ESCO1: variants seen among roughly 807,000 people sequenced by gnomAD.
ESCO1 encodes establishment of sister chromatid cohesion N-acetyltransferase 1, also known as N-acetyltransferase ESCO1.
ESCO1 carries 33 observed loss-of-function variants against 83.5 expected under a neutral mutation model. That is an observed-to-expected ratio of 0.40 (90% CI 0.30 to 0.53). The LOEUF (loss-of-function observed/expected upper bound fraction) is 0.53, where lower values mean the gene tolerates loss of function less well. Among genes scored for constraint, ESCO1 ranks in the 20% least tolerant of loss-of-function variants. ESCO1 has a pLI of 0.63. For missense variants in ESCO1, 855 were observed against 968.0 expected, an observed-to-expected ratio of 0.88 and a Z score of 1.55; for synonymous variants, 332 against 324.3, an observed-to-expected ratio of 1.02 and a Z score of -0.25.
intron 1 of ESCO1, among the ~76,000 whole-genome samples, chr18:21,585,534 TATG>T (rs2038563184): frequency 6.6e-6 from 1 of 152,236 alleles, no homozygotes; most frequent in Non-Finnish European, 1.5e-5. Flanking sequence ...CATTGGTCTT[TATG>T]ATCTTATACC....
Position 21,560,969 on chromosome 18 carries a change from C to T in ESCO1, c.1843G>A (p.Gly615Arg). The T allele has an allele frequency of 6.3e-7, 1 of 1,593,042 alleles. No homozygotes were observed. Among genetic ancestry groups the T allele is most frequent in the South Asian group, 1.2e-5 (1 of 85,010 alleles). Residue 615 changes from glycine (G) to arginine (R), a missense_variant, in exon 8 of 12, where the codon GGA becomes AGA. Physicochemically the swap from Gly to Arg is moderately radical, Grantham distance 125. Around this residue, in one of 2 missense-constraint regions of ESCO1, gnomAD observed 726 missense variants for 699.5 expected, o/e 1.04. Coordinates refer to ENST00000269214, the MANE Select transcript of ESCO1 (RefSeq NM_052911.3). ...CCACAAACATTACAAGAAACTGCTC[C>T]AAATCTTTTTTGTCCTGCATCCTAT... Reference protein sequence around the residue: ...LIIDAGQKRFGAVSCNVCGML... With the variant: ...LIIDAGQKRFRAVSCNVCGML...
Position 21,529,912 on chromosome 18 carries a change from C to CT in ESCO1, c.*430dup, listed in dbSNP as rs2037745067. The CT allele has an allele frequency of 6.5e-6, 1 of 153,264 alleles. No homozygotes were observed. Among genetic ancestry groups the CT allele is most frequent in the South Asian group, 2.1e-4 (1 of 4,838 alleles). The allele number at this position is 153,264 out of a possible 1,614,324, so 9.5% of individuals were successfully genotyped here. A position where few individuals can be genotyped will look rare whatever the true frequency, so the allele number is the denominator to read the frequency against. On this transcript the variant is annotated 3_prime_UTR_variant, in exon 12 of 12. Coordinates refer to ENST00000269214, the MANE Select transcript of ESCO1 (RefSeq NM_052911.3). ...ATAACTAAAAAAATTGGTTTCCACTCTGTGAAAATACAATCTTTAAGCCTA... is the reference window on the plus strand; with the variant it reads ...ATAACTAAAAAAATTGGTTTCCACTCTTGTGAAAATACAATCTTTAAGCCTA...
At chr18:21,556,731 C>T (rs997947335) in intron 8 of ESCO1, among the ~76,000 whole-genome samples, 8 of 151,980 alleles carry the variant, frequency 5.3e-5, no homozygotes, top group African/African-American at 1.7e-4. Flanking sequence ...GATGGAGTCT[C>T]GCTATGCTGC....
At chr18:21,565,669 G>A (rs2038249985) in intron 6 of ESCO1, among the ~76,000 whole-genome samples, 1 of 152,202 alleles carries the variant, frequency 6.6e-6, no homozygotes, top group Non-Finnish European at 1.5e-5. Flanking sequence ...AGATACTGTG[G>A]CTCACACCTA....
chr18:21,587,369 C>T (rs1448128905), intron 1 of ESCO1, among the ~76,000 whole-genome samples: 1 of 152,136 alleles, frequency 6.6e-6, no homozygotes, highest in Non-Finnish European at 1.5e-5. Flanking sequence ...TAGATTGCAT[C>T]AGTGAAGCCA....
intron 8 of ESCO1, among the ~76,000 whole-genome samples, chr18:21,553,633 G>A (rs530476746): frequency 5.9e-5 from 9 of 151,842 alleles, no homozygotes; most frequent in Admixed American, 1.3e-4. Flanking sequence ...TGAGGCGGGC[G>A]GATCACCTGA....
At chr18:21,538,385 A>T (rs149925620) in intron 9 of ESCO1, among the ~76,000 whole-genome samples, 3 of 152,260 alleles carry the variant, frequency 2.0e-5, no homozygotes, top group African/African-American at 2.4e-5. Context: ...AGCTGTGGTT[A>T]ATCACTGATC....
intron 1 of ESCO1, among the ~76,000 whole-genome samples, chr18:21,588,343 CATGGGGG>C (rs2038612199): frequency 6.6e-6 from 1 of 151,526 alleles, no homozygotes; most frequent in Non-Finnish European, 1.5e-5. Flanking sequence ...CTGGATATCA[CATGGGGG>C]AAAAATGAAA....
intron 1 of ESCO1, among the ~76,000 whole-genome samples, chr18:21,586,342 G>A (rs2038576359): frequency 6.6e-6 from 1 of 152,096 alleles, no homozygotes; most frequent in Admixed American, 6.6e-5. Context: ...TATCCATGTT[G>A]CTGCAGACAA....
In ESCO1 at chr18:21,530,355, C is replaced by T. The variant is rs749905845; in HGVS notation, c.2511G>A (p.Gln837=). Residue 837 remains glutamine (Q), a synonymous_variant, in exon 12 of 12, where the codon CAG becomes CAA. Transcript: ENST00000269214. ...QFLVYNFING[Q]NST ...GCAAGAATTTGTTTTACGTGCTATT[C>T]TGTCCATTAATAAAATTATATACCA... is the stretch of plus-strand genomic sequence containing the variant. The T allele has an allele frequency of 6.2e-7, 1 of 1,602,516 alleles. No individual in the cohort carries two copies. The highest frequency in any genetic ancestry group is 1.1e-5 in the South Asian group (1 of 89,084).
At chr18:21,534,629 G>A (rs1209302912) in intron 10 of ESCO1, among the ~76,000 whole-genome samples, 1 of 151,102 alleles carries the variant, frequency 6.6e-6, no homozygotes, top group East Asian at 1.9e-4. Flanking sequence ...TCCAGGTGTG[G>A]GCCTTTTTTT....
chr18:21,595,066 C>T (rs1598482897), intron 1 of ESCO1, among the ~76,000 whole-genome samples: 1 of 151,516 alleles, frequency 6.6e-6, no homozygotes, highest in Non-Finnish European at 1.5e-5. Context: ...AGGCTGGTCT[C>T]GAACTCCTGG....
intron 8 of ESCO1, among the ~76,000 whole-genome samples, chr18:21,559,770 T>C (rs1018341664): frequency 2.0e-5 from 3 of 152,344 alleles, no homozygotes; most frequent in African/African-American, 7.2e-5. Context: ...TATCCAGCTA[T>C]AGATATTCTA....
At chr18:21,533,407 T>G (rs2037792818) in intron 10 of ESCO1, among the ~76,000 whole-genome samples, 1 of 152,080 alleles carries the variant, frequency 6.6e-6, no homozygotes, top group South Asian at 2.1e-4. Flanking sequence ...GAGATTCTCA[T>G]GCCTCAGCCT....
chr18:21,588,244 G>T (rs558922390), intron 1 of ESCO1, among the ~76,000 whole-genome samples: 9 of 151,930 alleles, frequency 5.9e-5, no homozygotes, highest in Non-Finnish European at 1.3e-4. Context: ...ACACAAAATA[G>T]ACCAGAATCA....
At chr18:21,596,555 A>G (rs936343479) in intron 1 of ESCO1, among the ~76,000 whole-genome samples, 1 of 152,120 alleles carries the variant, frequency 6.6e-6, no homozygotes, top group Non-Finnish European at 1.5e-5. Flanking sequence ...AATATTGGCC[A>G]GGCATGGTGT....
In ESCO1 at chr18:21,532,785, A is replaced by G. The variant is rs1418263824; in HGVS notation, c.2188-125T>C. On this transcript the variant is annotated intron_variant, in intron 10 of 11. Transcript: ENST00000269214. The stretch of plus-strand genomic sequence containing the variant: ...AAACTATGGGGCCACTTATGCTTTC[A>G]CTCTCATTTTTAGGAAACAGACAAT... The G allele has an allele frequency of 6.3e-6, 5 of 799,736 alleles. No individual in the cohort carries two copies. The East Asian group carries it at 1.4e-4, about 22-fold the overall frequency. The allele number at this position is 799,736 out of a possible 1,614,324, so 49.5% of individuals were successfully genotyped here.
chr18:21,589,598 C>G (rs569808573), intron 1 of ESCO1, among the ~76,000 whole-genome samples: 44 of 152,256 alleles, frequency 2.9e-4, no homozygotes, highest in Admixed American at 9.2e-4. Context: ...CCCCAAGCTG[C>G]TATGAAAGCC....
Position 21,564,213 on chromosome 18 carries a change from T to G in ESCO1, c.1811A>C (p.Gln604Pro). The G allele has an allele frequency of 3.1e-6, 5 of 1,595,004 alleles. No individual in the cohort carries two copies. Among genetic ancestry groups the G allele is most frequent in the Non-Finnish European group, 4.3e-6 (5 of 1,167,130 alleles). Residue 604 changes from glutamine (Q) to proline (P), a missense_variant, in exon 7 of 12, where the codon CAG becomes CCG. Transcript: ENST00000269214. The stretch of plus-strand genomic sequence containing the variant: ...AAGTTGTGTACTTACTATAATCAAC[T>G]GTTTTTCATCAGTTTTCTCTGCTTC... The part of the protein sequence containing the change: ...LKEAEKTDEK[Q>P]LIIDAGQKRF...
Sources: allele counts gnomAD v4.1 joint callset (sites outside exome capture counted in the v4.1 genomes callset), GRCh38; gene constraint gnomAD v4.1.1; regional missense constraint gnomAD v4.1.1; transcripts MANE v1.5; gene names NCBI Gene and HGNC (gene_info 2026-07-23, HGNC 2026-07-21).